The following SPMIP2 variants were observed in gnomAD, a reference collection of about 807,000 sequenced individuals.
The protein encoded by SPMIP2 is protein SPMIP2.
the SPMIP2 span, chr4:159,007,796 T>C: frequency 1.7e-6 from 1 of 576,238 alleles, no homozygotes; most frequent in Non-Finnish European, 3.4e-6. Flanking sequence ...TGGAGAAAAT[T>C]GTCAACCCGA....
chr4:158,936,075 T>G, the SPMIP2 span, among the ~76,000 whole-genome samples: 93,861 of 152,116 alleles, frequency 0.62, 29,955 homozygotes, highest in East Asian at 0.88. Context: ...AGATGGTTAT[T>G]CTGGATAACT....
the SPMIP2 span, among the ~76,000 whole-genome samples, chr4:158,993,446 G>C: frequency 6.6e-6 from 1 of 151,940 alleles, no homozygotes; most frequent in Non-Finnish European, 1.5e-5. Context: ...TTCCATCCCT[G>C]AAGCAAATGT....
the SPMIP2 span, among the ~76,000 whole-genome samples, chr4:159,022,254 G>C: frequency 6.6e-6 from 1 of 152,058 alleles, no homozygotes; most frequent in Admixed American, 6.5e-5. Context: ...AACTTTTGAC[G>C]ACTTACATTC....
the SPMIP2 span, among the ~76,000 whole-genome samples, chr4:158,957,980 C>G: frequency 6.6e-6 from 1 of 152,146 alleles, no homozygotes; most frequent in African/African-American, 2.4e-5. Context: ...TTTTGAGAAA[C>G]AGTATGGTCT....
the SPMIP2 span, among the ~76,000 whole-genome samples, chr4:158,990,403 T>C: frequency 1.3e-5 from 2 of 152,178 alleles, no homozygotes; most frequent in Admixed American, 1.3e-4. Context: ...TTATAAATCA[T>C]TCTATTATAA....
the SPMIP2 span, among the ~76,000 whole-genome samples, chr4:158,946,304 G>A: frequency 1.5e-4 from 23 of 152,120 alleles, no homozygotes; most frequent in African/African-American, 5.1e-4. Context: ...ATGACATCTC[G>A]TCTGTTTGCT....
the SPMIP2 span, among the ~76,000 whole-genome samples, chr4:159,078,734 A>T: frequency 6.6e-6 from 1 of 152,334 alleles, no homozygotes; most frequent in South Asian, 2.1e-4. Flanking sequence ...CTCACTTGAC[A>T]TTGGAGATAG....
At chr4:159,061,783 C>A in the SPMIP2 span, among the ~76,000 whole-genome samples, 9 of 149,060 alleles carry the variant, frequency 6.0e-5, no homozygotes, top group African/African-American at 2.2e-4. Flanking sequence ...TGCACTCCAG[C>A]CTGGGCGACA....
the SPMIP2 span, among the ~76,000 whole-genome samples, chr4:159,068,204 T>G: frequency 6.6e-6 from 1 of 152,150 alleles, no homozygotes; most frequent in Non-Finnish European, 1.5e-5. Context: ...TAAAGACACA[T>G]GCACACATAT....
the SPMIP2 span, among the ~76,000 whole-genome samples, chr4:159,052,703 G>A: frequency 5.3e-5 from 8 of 151,018 alleles, no homozygotes; most frequent in South Asian, 1.0e-3. Context: ...GTGCGATCTC[G>A]GCTCACTGCA....
At chr4:158,978,744 C>CA in the SPMIP2 span, among the ~76,000 whole-genome samples, 2 of 150,876 alleles carry the variant, frequency 1.3e-5, no homozygotes, top group Non-Finnish European at 3.0e-5. Flanking sequence ...GCAAACCCTG[C>CA]TTTTTTTTTG....
the SPMIP2 span, among the ~76,000 whole-genome samples, chr4:158,974,205 T>C: frequency 7.1e-6 from 1 of 140,190 alleles, no homozygotes; most frequent in Non-Finnish European, 1.5e-5. Context: ...CAGAAGTATT[T>C]GTATTTTAAA....
chr4:159,044,308 G>T, the SPMIP2 span, among the ~76,000 whole-genome samples: 8 of 149,142 alleles, frequency 5.4e-5, no homozygotes, highest in African/African-American at 2.0e-4. Context: ...AGTGGAGGTT[G>T]CAGTGAGCCA....
chr4:159,049,786 G>C, the SPMIP2 span, among the ~76,000 whole-genome samples: 2 of 151,466 alleles, frequency 1.3e-5, no homozygotes, highest in Non-Finnish European at 2.9e-5. Flanking sequence ...CACTTAAAAT[G>C]AATTAAAACC....
the SPMIP2 span, among the ~76,000 whole-genome samples, chr4:158,942,169 A>G: frequency 2.4e-3 from 367 of 152,328 alleles, 1 homozygote; most frequent in African/African-American, 8.7e-3. Context: ...CTAGAAATGA[A>G]AAGTTTTTAT....
the SPMIP2 span, among the ~76,000 whole-genome samples, chr4:159,057,130 T>C: frequency 6.6e-6 from 1 of 152,270 alleles, no homozygotes; most frequent in African/African-American, 2.4e-5. Flanking sequence ...CCACTGAAAC[T>C]CTTTTCAGCA....
At chr4:159,048,731 CTT>C in the SPMIP2 span, among the ~76,000 whole-genome samples, 1,090 of 111,384 alleles carry the variant, frequency 9.8e-3, 10 homozygotes, top group African/African-American at 0.037. Flanking sequence ...TCCCCTTCCA[CTT>C]TTTTTTTTTT....
the SPMIP2 span, chr4:158,895,937 A>G: frequency 6.1e-6 from 7 of 1,145,296 alleles, no homozygotes; most frequent in African/African-American, 1.5e-5. Flanking sequence ...TAACGTGTTT[A>G]GCCTGTGTCA....
At chr4:158,945,062 G>A in the SPMIP2 span, among the ~76,000 whole-genome samples, 1 of 149,234 alleles carries the variant, frequency 6.7e-6, no homozygotes, top group African/African-American at 2.6e-5. Context: ...TGTCTTCATC[G>A]GTCTCTGTAC....
Sources: allele counts gnomAD v4.1 joint callset (sites outside exome capture counted in the v4.1 genomes callset), GRCh38; gene constraint gnomAD v4.1.1; transcripts MANE v1.5; gene names NCBI Gene and HGNC (gene_info 2026-07-23, HGNC 2026-07-21).